The following ACAP2 variants were observed in gnomAD, a reference collection of about 807,000 sequenced individuals.
ACAP2 encodes arf-GAP with coiled-coil, ANK repeat and PH domain-containing protein 2.
Under a neutral mutation model 115.8 loss-of-function variants are expected in ACAP2, and 39 were observed. The ratio of observed to expected loss-of-function variants is 0.34; its 90% CI spans 0.26 to 0.44. The LOEUF (loss-of-function observed/expected upper bound fraction) is 0.44. ACAP2 is among the 20% of genes least tolerant of loss of function. The pLI, the probability that ACAP2 is intolerant of heterozygous loss-of-function variation, is 1.00. For missense variants in ACAP2, 662 were observed against 927.6 expected, an observed-to-expected ratio of 0.71 and a Z score of 3.72; for synonymous variants, 289 against 315.8, an observed-to-expected ratio of 0.92 and a Z score of 0.90.
At chr3:195,434,268 TG>T (rs766878093) in intron 1 of ACAP2, among the ~76,000 whole-genome samples, 4 of 151,978 alleles carry the variant, frequency 2.6e-5, no homozygotes, top group Non-Finnish European at 5.9e-5. Context: ...GATCTTGCTC[TG>T]TCACCCAGGC....
At chr3:195,365,471 C>T (rs983777173) in intron 4 of ACAP2, among the ~76,000 whole-genome samples, 3 of 152,064 alleles carry the variant, frequency 2.0e-5, no homozygotes, top group African/African-American at 7.2e-5. Flanking sequence ...GGCATTGTGG[C>T]ATACACCTAC....
intron 7 of ACAP2, chr3:195,335,944 A>G (rs937964019): frequency 1.5e-4 from 18 of 122,402 alleles, no homozygotes; most frequent in African/African-American, 5.8e-4. Flanking sequence ...CTTGTCACCT[A>G]GGCTGGAGTA....
intron 4 of ACAP2, among the ~76,000 whole-genome samples, chr3:195,364,504 G>A (rs183504147): frequency 6.6e-4 from 101 of 152,164 alleles, no homozygotes; most frequent in African/African-American, 2.3e-3. Flanking sequence ...ACCGGAGATG[G>A]AGGTTGCAGT....
intron 12 of ACAP2, chr3:195,306,988 T>C (rs985659819): frequency 2.6e-6 from 1 of 391,408 alleles, no homozygotes. Context: ...GCTAAAACTT[T>C]CATATGAGCC....
chr3:195,320,892 T>A (rs1729404498), intron 9 of ACAP2, 79 bp from the exon 10 acceptor site: 1 of 906,630 alleles, frequency 1.1e-6, no homozygotes, highest in Non-Finnish European at 1.7e-6. Context: ...AAGAAAAGAG[T>A]TCAAAAGGAA....
chr3:195,324,057 A>G (rs1729617500), intron 9 of ACAP2, among the ~76,000 whole-genome samples: 1 of 152,204 alleles, frequency 6.6e-6, no homozygotes, highest in African/African-American at 2.4e-5. Flanking sequence ...ACTAACAAAA[A>G]TTAAAAATGA....
intron 4 of ACAP2, among the ~76,000 whole-genome samples, chr3:195,376,152 G>C (rs944285934): frequency 1.3e-5 from 2 of 152,152 alleles, no homozygotes; most frequent in African/African-American, 4.8e-5. Flanking sequence ...CTAGCACTTT[G>C]GGAGGCCAAG....
intron 1 of ACAP2, among the ~76,000 whole-genome samples, chr3:195,395,032 A>C (rs1053418695): frequency 1.4e-5 from 2 of 147,032 alleles, no homozygotes; most frequent in East Asian, 3.9e-4. Flanking sequence ...TGAATAGATG[A>C]CTTCTATTCA....
chr3:195,301,463 T>G (rs1728051252), intron 15 of ACAP2, 112 bp downstream of exon 15: 1 of 805,114 alleles, frequency 1.2e-6, no homozygotes, highest in Non-Finnish European at 2.0e-6. Flanking sequence ...CAATACAATT[T>G]AGCTAGCATA....
chr3:195,424,283 ATTTTTTTTTTTTT>A lies in ACAP2; in HGVS notation c.53+18499_53+18511del, dbSNP rs1162275706. 8.9e-3 allele frequency among the ~76,000 whole-genome samples: 481 copies of A among 54,036 alleles called. 29 individuals are homozygous for A. The East Asian group carries it at 0.11, about 12-fold the overall frequency. The allele number at this position is 54,036 out of a possible 152,430, so 35.4% of individuals were successfully genotyped here. On this transcript the variant is annotated intron_variant, in intron 1 of 22. Transcript: ENST00000326793. ...TGTGTATATATATATATATATATAT[ATTTTTTTTTTTTT>A]TTTTTTTTTTTTTTTTGAAACAGAG...
At chr3:195,417,671 G>A (rs1434942488) in intron 1 of ACAP2, among the ~76,000 whole-genome samples, 2 of 152,148 alleles carry the variant, frequency 1.3e-5, no homozygotes, top group Non-Finnish European at 2.9e-5. Context: ...TCAACAGCTG[G>A]GTACAGTGGC....
intron 17 of ACAP2, chr3:195,295,364 ACGTTACTGGG>A: frequency 9.7e-7 from 1 of 1,025,974 alleles, no homozygotes; most frequent in Admixed American, 2.8e-5. Flanking sequence ...GCAGGAAAAA[ACGTTACTGGG>A]AAAAAATTTA....
At chr3:195,421,652 A>G (rs541865190) in intron 1 of ACAP2, among the ~76,000 whole-genome samples, 40 of 152,350 alleles carry the variant, frequency 2.6e-4, no homozygotes, top group African/African-American at 9.6e-4. Flanking sequence ...CCTCTACAAT[A>G]GTTGCTGTAC....
At chr3:195,436,761 C>G (rs6800221) in intron 1 of ACAP2, among the ~76,000 whole-genome samples, 41,995 of 151,802 alleles carry the variant, frequency 0.28, 6,543 homozygotes, top group East Asian at 0.71. Flanking sequence ...TTTGTCCTCC[C>G]GCACATCACA....
chr3:195,352,973 C>G lies in ACAP2; in HGVS notation c.286-7656G>C, dbSNP rs553190709. Reference sequence around the variant, plus strand: ...GCGCACATCTGTAATCCTAGCTACTCAGGAGGCTGAGGCACAAGAATCGCT... The same window carrying G: ...GCGCACATCTGTAATCCTAGCTACTGAGGAGGCTGAGGCACAAGAATCGCT... On this transcript the variant is annotated intron_variant, in intron 4 of 22. Transcript: ENST00000326793. Among the ~76,000 whole-genome samples the G allele has an allele frequency of 3.3e-5, 5 of 151,514 alleles. No homozygotes were observed. In the East Asian group the frequency reaches 9.7e-4, roughly 30 times the overall value.
intron 1 of ACAP2, chr3:195,442,149 C>T (rs1188479761): frequency 6.6e-6 from 1 of 152,492 alleles, no homozygotes; most frequent in Admixed American, 6.5e-5. Context: ...CAGGTAGTCA[C>T]CAACTAGGGT....
intron 1 of ACAP2, among the ~76,000 whole-genome samples, chr3:195,411,439 C>T (rs189796677): frequency 5.9e-5 from 9 of 152,218 alleles, no homozygotes; most frequent in Non-Finnish European, 1.0e-4. Flanking sequence ...TAATAGAATA[C>T]GCATCCTTTT....
chr3:195,353,098 A>AAAG (rs58909684), intron 4 of ACAP2, among the ~76,000 whole-genome samples: 2 of 150,416 alleles, frequency 1.3e-5, no homozygotes, highest in East Asian at 2.0e-4. Context: ...AAAAAAAAAA[A>AAAG]GGCATTGGAG....
chr3:195,352,374 C>T (rs1341924618), intron 4 of ACAP2, among the ~76,000 whole-genome samples: 1 of 152,060 alleles, frequency 6.6e-6, no homozygotes, highest in Non-Finnish European at 1.5e-5. Context: ...TTAAATGATG[C>T]GTGACTGTAT....
Sources: gnomAD v4.1 joint callset for allele counts (sites outside exome capture counted in the v4.1 genomes callset) on GRCh38, gnomAD v4.1.1 for gene constraint, MANE v1.5 for transcripts, NCBI Gene and HGNC (gene_info 2026-07-23, HGNC 2026-07-21) for gene names.